IQSEC1: variants seen among roughly 807,000 people sequenced by gnomAD.
The protein encoded by IQSEC1 is IQ motif and Sec7 domain ArfGEF 1.
Under a neutral mutation model 91.0 loss-of-function variants are expected in IQSEC1, and 31 were observed. The observed-to-expected ratio is 0.34, with a 90% confidence interval of 0.26 to 0.46. The LOEUF (loss-of-function observed/expected upper bound fraction) is 0.46, where lower values mean the gene tolerates loss of function less well. IQSEC1 is among the 20% of genes least tolerant of loss of function. IQSEC1 has a pLI of 1.00. For synonymous variants in IQSEC1, 699 were observed against 662.6 expected (o/e 1.05, Z -0.84); for missense variants, 1,388 against 1,575.6 (o/e 0.88, Z 2.02).
chr3:13,047,613 G>T, intron 1 of IQSEC1: 2 of 642,656 alleles, frequency 3.1e-6, no homozygotes, highest in South Asian at 7.3e-5. Flanking sequence ...CCCAGCAGGT[G>T]GTCCCAGGAC....
chr3:13,037,737 C>A (rs2125028118), intron 1 of IQSEC1, among the ~76,000 whole-genome samples: 1 of 152,176 alleles, frequency 6.6e-6, no homozygotes, highest in African/African-American at 2.4e-5. Context: ...TGAGGCCACT[C>A]TGCTAAGTGA....
At chr3:13,113,445 G>T (rs191394593) in intron 2 of IQSEC1, among the ~76,000 whole-genome samples, 1 of 152,338 alleles carries the variant, frequency 6.6e-6, no homozygotes, top group East Asian at 1.9e-4. Context: ...CCCACCCAGG[G>T]TGCTGTGTGA....
intron 1 of IQSEC1, among the ~76,000 whole-genome samples, chr3:13,218,262 C>A (rs1694587949): frequency 6.6e-6 from 1 of 152,204 alleles, no homozygotes; most frequent in South Asian, 2.1e-4. Context: ...GCGGCTGGAC[C>A]TTGCTGTGCT....
At chr3:13,043,252 A>G (rs1704356216) in intron 1 of IQSEC1, among the ~76,000 whole-genome samples, 1 of 152,084 alleles carries the variant, frequency 6.6e-6, no homozygotes, top group South Asian at 2.1e-4. Context: ...AGGCCAGGGG[A>G]CCTGGCAGTC....
At chr3:12,980,383 C>T (rs766449007) in intron 1 of IQSEC1, among the ~76,000 whole-genome samples, 18 of 152,234 alleles carry the variant, frequency 1.2e-4, no homozygotes, top group Admixed American at 3.3e-4. Context: ...GAGACCCAGA[C>T]GGACCACTTC....
intron 1 of IQSEC1, among the ~76,000 whole-genome samples, chr3:13,220,974 A>G (rs1451316102): frequency 2.0e-5 from 3 of 152,244 alleles, no homozygotes; most frequent in Non-Finnish European, 2.9e-5. Context: ...TGCTGGCCTC[A>G]TCCATGGTTG....
chr3:13,230,828 T>A (rs1352123180), intron 1 of IQSEC1, among the ~76,000 whole-genome samples: 3 of 152,224 alleles, frequency 2.0e-5, no homozygotes, highest in African/African-American at 7.2e-5. Flanking sequence ...GACCATGGTG[T>A]TGGCTATTGT....
intron 1 of IQSEC1, among the ~76,000 whole-genome samples, chr3:13,167,597 G>A (rs1474945449): frequency 6.6e-6 from 1 of 152,162 alleles, no homozygotes; most frequent in Non-Finnish European, 1.5e-5. Context: ...GGCACTTGGG[G>A]GGGCAAAAGC....
At chr3:13,202,329 G>A (rs1271079895) in intron 1 of IQSEC1, among the ~76,000 whole-genome samples, 2 of 152,124 alleles carry the variant, frequency 1.3e-5, no homozygotes, top group Non-Finnish European at 2.9e-5. Flanking sequence ...ACGAAAGTTG[G>A]GTCTCAAAAA....
intron 1 of IQSEC1, among the ~76,000 whole-genome samples, chr3:12,986,587 T>C (rs1302850283): frequency 6.6e-6 from 1 of 152,180 alleles, no homozygotes; most frequent in Non-Finnish European, 1.5e-5. Context: ...CCCTGCCTGG[T>C]GAACCCGAGA....
intron 2 of IQSEC1, among the ~76,000 whole-genome samples, chr3:13,096,654 G>A (rs1014155856): frequency 6.6e-6 from 1 of 152,170 alleles, no homozygotes; most frequent in African/African-American, 2.4e-5. Flanking sequence ...AGGCACGGCA[G>A]CCTCCTGGTG....
chr3:12,999,361 T>C (rs1388372094), intron 1 of IQSEC1, among the ~76,000 whole-genome samples: 1 of 152,218 alleles, frequency 6.6e-6, no homozygotes, highest in Non-Finnish European at 1.5e-5. Flanking sequence ...GTAAACTGCC[T>C]TGCATGACTT....
At chr3:13,109,504 T>C (rs1576254142) in intron 2 of IQSEC1, among the ~76,000 whole-genome samples, 2 of 152,310 alleles carry the variant, frequency 1.3e-5, no homozygotes, top group East Asian at 1.9e-4. Context: ...AAATCTCATG[T>C]TGAAATGTCA....
intron 1 of IQSEC1, among the ~76,000 whole-genome samples, chr3:13,267,516 G>A (rs181141163): frequency 6.6e-6 from 1 of 152,152 alleles, no homozygotes; most frequent in East Asian, 1.9e-4. Flanking sequence ...CTGGATTTTT[G>A]GCATCTGATG....
chr3:13,123,184 C>T (rs769491945), intron 2 of IQSEC1, among the ~76,000 whole-genome samples: 2 of 152,224 alleles, frequency 1.3e-5, no homozygotes, highest in South Asian at 2.1e-4. Flanking sequence ...AGATACTTGG[C>T]TCAACACGGA....
chr3:12,926,607 G>C (rs1046967817), intron 3 of IQSEC1, among the ~76,000 whole-genome samples: 4 of 152,236 alleles, frequency 2.6e-5, no homozygotes, highest in African/African-American at 4.8e-5. Flanking sequence ...CTGTGCTAGG[G>C]TGTAATCGGC....
intron 2 of IQSEC1, among the ~76,000 whole-genome samples, chr3:13,155,170 A>C (rs1258896787): frequency 1.3e-5 from 2 of 152,230 alleles, no homozygotes; most frequent in Non-Finnish European, 2.9e-5. Context: ...AAATAATAAC[A>C]GTAAACAAAT....
rs1043374326 is a variant in IQSEC1, at chr3:12,992,398, A to T, written c.24-50533T>A. 6.6e-6 allele frequency among the ~76,000 whole-genome samples: 1 copy of T among 151,982 alleles called. No homozygotes were observed. Among genetic ancestry groups the T allele is most frequent in the Non-Finnish European group, 1.5e-5 (1 of 67,978 alleles). ...AGGCAATTTCTCTTCTTTCCCCTTA[A>T]ATCTGGTTTCTGGGCTCTAATTGCA... On this transcript the variant is annotated intron_variant, in intron 1 of 13. Transcript: ENST00000613206. The surrounding 1 kb of genome is among the most constrained non-coding windows in gnomAD (Gnocchi z 4.1).
intron 1 of IQSEC1, among the ~76,000 whole-genome samples, chr3:13,182,296 T>C (rs1198011641): frequency 6.6e-6 from 1 of 152,252 alleles, no homozygotes; most frequent in Non-Finnish European, 1.5e-5. Flanking sequence ...TCATCTGGGA[T>C]TGAGCCTACT....
Sources: gnomAD v4.1 joint callset for allele counts (sites outside exome capture counted in the v4.1 genomes callset) on GRCh38, gnomAD v4.1.1 for gene constraint, Gnocchi (gnomAD v3.1) non-coding constraint, MANE v1.5 for transcripts, NCBI Gene and HGNC (gene_info 2026-07-23, HGNC 2026-07-21) for gene names.